The following KYNU variants were observed in gnomAD, a reference collection of about 807,000 sequenced individuals.
The protein encoded by KYNU is L-kynurenine hydrolase.
A neutral mutation model predicts 59.2 loss-of-function variants in KYNU; 54 were observed. That is an observed-to-expected ratio of 0.91 (90% CI 0.73 to 1.14). The LOEUF (loss-of-function observed/expected upper bound fraction) is 1.14, where lower values mean the gene tolerates loss of function less well. KYNU is among the 50% of genes most tolerant of loss of function. The pLI is 0.00. For synonymous variants in KYNU, 177 were observed against 192.0 expected (o/e 0.92, Z 0.65); for missense variants, 567 against 554.4 (o/e 1.02, Z -0.23).
At chr2:142,932,322 G>A (rs1683248207) in intron 4 of KYNU, among the ~76,000 whole-genome samples, 2 of 152,162 alleles carry the variant, frequency 1.3e-5, no homozygotes, top group Admixed American at 1.3e-4. Flanking sequence ...AAGGTTTTGG[G>A]CTCAGAAGTC....
chr2:142,912,116 C>T (rs1387874990), intron 2 of KYNU, among the ~76,000 whole-genome samples: 1 of 151,998 alleles, frequency 6.6e-6, no homozygotes, highest in Non-Finnish European at 1.5e-5. Context: ...ATAGTTTCAG[C>T]AGTGTTGGTA....
intron 10 of KYNU, among the ~76,000 whole-genome samples, chr2:143,023,781 T>C (rs1278705524): frequency 5.3e-5 from 8 of 151,454 alleles, no homozygotes; most frequent in Non-Finnish European, 1.2e-4. Flanking sequence ...TCAAAATAAG[T>C]ACTAAATAAA....
chr2:142,982,339 A>C (rs1573867883), intron 8 of KYNU, among the ~76,000 whole-genome samples: 1 of 152,250 alleles, frequency 6.6e-6, no homozygotes, highest in East Asian at 1.9e-4. Flanking sequence ...TTAATGTGGA[A>C]TGAATCTTTA....
chr2:142,970,320 T>C (rs185779993), intron 8 of KYNU, among the ~76,000 whole-genome samples: 128 of 152,254 alleles, frequency 8.4e-4, no homozygotes, highest in African/African-American at 3.0e-3. Context: ...AAGGAAGCAA[T>C]TTAGAAGCAG....
chr2:143,043,722 A>G lies in KYNU; in HGVS notation c.*1550A>G, dbSNP rs1356385688. On this transcript the variant is annotated 3_prime_UTR_variant, in exon 14 of 14. Transcript: ENST00000264170. ...TGCATAAGTGGATTCATATACATAT[A>G]TAAAAATATATATAAATATATATAC... The G allele has an allele frequency of 6.8e-6, 1 of 147,374 alleles. No individual in the cohort carries two copies. Among genetic ancestry groups the G allele is most frequent in the East Asian group, 2.0e-4 (1 of 5,126 alleles). The allele number at this position is 147,374 out of a possible 1,614,324, so 9.1% of individuals were successfully genotyped here.
chr2:143,001,816 G>T (rs568181979), intron 10 of KYNU, among the ~76,000 whole-genome samples: 10 of 152,106 alleles, frequency 6.6e-5, no homozygotes, highest in African/African-American at 2.2e-4. Context: ...ACCTCAAAGT[G>T]GTGTTGTAAA....
At chr2:142,936,796 T>C (rs1342961197) in intron 4 of KYNU, among the ~76,000 whole-genome samples, 1 of 152,286 alleles carries the variant, frequency 6.6e-6, no homozygotes, top group East Asian at 1.9e-4. Context: ...CTGAGGAGTT[T>C]CCTTTGTCTG....
intron 10 of KYNU, among the ~76,000 whole-genome samples, chr2:143,024,246 T>A (rs1302445318): frequency 6.6e-6 from 1 of 151,984 alleles, no homozygotes; most frequent in Non-Finnish European, 1.5e-5. Context: ...CTATGTTAAC[T>A]CCTCTATTTG....
chr2:143,012,225 T>A (rs1025067389), intron 10 of KYNU, among the ~76,000 whole-genome samples: 2 of 152,132 alleles, frequency 1.3e-5, no homozygotes, highest in Non-Finnish European at 2.9e-5. Context: ...CTCACGCCTG[T>A]AATCCCAGCA....
intron 4 of KYNU, among the ~76,000 whole-genome samples, chr2:142,942,664 G>A (rs774301850): frequency 2.0e-5 from 3 of 152,204 alleles, no homozygotes; most frequent in Non-Finnish European, 4.4e-5. Flanking sequence ...GAGCAGGAGT[G>A]AAAGTTTATT....
intron 10 of KYNU, among the ~76,000 whole-genome samples, chr2:142,991,156 T>C (rs552716893): frequency 6.6e-6 from 1 of 151,972 alleles, no homozygotes; most frequent in Non-Finnish European, 1.5e-5. Context: ...TTTGCACATT[T>C]GTTCAGGGGA....
intron 8 of KYNU, among the ~76,000 whole-genome samples, chr2:142,970,624 C>T (rs1684690660): frequency 6.6e-6 from 1 of 152,148 alleles, no homozygotes; most frequent in African/African-American, 2.4e-5. Flanking sequence ...CACCATGTGT[C>T]TGAAAAGTCA....
At position 143,044,181 on chromosome 2, in the gene KYNU, C is replaced by G. The variant is rs949415072; in HGVS notation, c.*2009C>G. The G allele has an allele frequency of 6.6e-6, 1 of 152,104 alleles. No homozygotes were observed. The highest frequency in any genetic ancestry group is 6.5e-5 in the Admixed American group (1 of 15,272). 9.4% of individuals were successfully genotyped at this position (152,104 alleles called of 1,614,324 possible). ...GACATGAACTCATTCTTTTTTATGGCTGCATAGTATTCCATGGTATATATG... is the reference window on the plus strand; with the variant it reads ...GACATGAACTCATTCTTTTTTATGGGTGCATAGTATTCCATGGTATATATG... On this transcript the variant is annotated 3_prime_UTR_variant, in exon 14 of 14. Coordinates refer to ENST00000264170, the MANE Select transcript of KYNU (RefSeq NM_003937.3).
intron 4 of KYNU, among the ~76,000 whole-genome samples, chr2:142,944,768 AT>A (rs1341314028): frequency 6.6e-6 from 1 of 152,258 alleles, no homozygotes; most frequent in Non-Finnish European, 1.5e-5. Context: ...AGATAGGCCA[AT>A]TAGGTAAATA....
chr2:143,013,825 C>T (rs1019136088), intron 10 of KYNU, among the ~76,000 whole-genome samples: 3 of 152,208 alleles, frequency 2.0e-5, no homozygotes. Flanking sequence ...AGGCTTCGGA[C>T]CCACAGCCAT....
In KYNU at chr2:142,929,632, G is replaced by C. The variant is rs992401683; in HGVS notation, c.373+1891G>C. Among the ~76,000 whole-genome samples the C allele has an allele frequency of 3.3e-5, 5 of 152,278 alleles. 1 individual carries two copies. In the South Asian group the frequency reaches 1.0e-3, roughly 32 times the overall value. ...ATCTACACATGTGAAGTATCCATAG[G>C]TTTGGGGGAGAGGAGGGGACAGGCG... On this transcript the variant is annotated intron_variant, in intron 4 of 13. Coordinates refer to ENST00000264170, the MANE Select transcript of KYNU (RefSeq NM_003937.3).
intron 4 of KYNU, among the ~76,000 whole-genome samples, chr2:142,946,578 G>A (rs1683788496): frequency 6.6e-6 from 1 of 152,146 alleles, no homozygotes; most frequent in Non-Finnish European, 1.5e-5. Flanking sequence ...TCTCAACAGT[G>A]AGCTTAACAT....
intron 2 of KYNU, among the ~76,000 whole-genome samples, chr2:142,886,646 G>T (rs1351657247): frequency 1.3e-5 from 2 of 152,144 alleles, no homozygotes; most frequent in Non-Finnish European, 2.9e-5. Flanking sequence ...GAATTGTAAG[G>T]GATAAAATAC....
chr2:142,963,991 C>A (rs1018741954), intron 8 of KYNU, among the ~76,000 whole-genome samples: 2 of 151,892 alleles, frequency 1.3e-5, no homozygotes, highest in Admixed American at 1.3e-4. Flanking sequence ...GATTTTGGAG[C>A]CTTTCAGATT....
Sources: gnomAD v4.1 joint callset for allele counts (sites outside exome capture counted in the v4.1 genomes callset) on GRCh38, gnomAD v4.1.1 for gene constraint, MANE v1.5 for transcripts, NCBI Gene and HGNC (gene_info 2026-07-23, HGNC 2026-07-21) for gene names.